The following ZFAT variants were observed in gnomAD, a reference collection of about 807,000 sequenced individuals.
ZFAT encodes the protein zinc finger protein ZFAT.
Under a neutral mutation model 117.7 loss-of-function variants are expected in ZFAT, and 64 were observed. The observed-to-expected ratio is 0.54, with a 90% CI of 0.44 to 0.67. The LOEUF is 0.67. Ranked by LOEUF, ZFAT falls within the 30% of genes least tolerant of loss-of-function variation. The pLI is 0.00. For synonymous variants in ZFAT, 679 were observed against 615.0 expected, an observed-to-expected ratio of 1.10 and a Z score of -1.54; for missense variants, 1,433 against 1,584.5, an observed-to-expected ratio of 0.90 and a Z score of 1.62.
chr8:134,628,911 A>C (rs1005998388), intron 3 of ZFAT, among the ~76,000 whole-genome samples: 1 of 152,256 alleles, frequency 6.6e-6, no homozygotes, highest in Admixed American at 6.5e-5. Flanking sequence ...ACAGATGCTT[A>C]TTGAATTTTA....
At chr8:134,507,396 C>G (rs1472769725) in intron 15 of ZFAT, among the ~76,000 whole-genome samples, 4 of 152,282 alleles carry the variant, frequency 2.6e-5, no homozygotes, top group African/African-American at 9.6e-5. Context: ...TGTCATTTAT[C>G]AACAGCCACC....
rs143658066 is a variant in ZFAT at position 134,647,745 on chromosome 8, C to T, written c.196+9816G>A. ...ACACAAAAACAACTGAAAAAGAAAA[C>T]GATCCCATTTATAATAGCGTCGAAA... On this transcript the variant is annotated intron_variant, in intron 2 of 15. Coordinates refer to ENST00000377838, the MANE Select transcript of ZFAT (RefSeq NM_020863.4). Among the ~76,000 whole-genome samples the T allele has an allele frequency of 1.8e-3, 269 of 151,984 alleles. 1 individual carries two copies. The highest frequency in any genetic ancestry group is 6.0e-3 in the African/African-American group (248 of 41,452).
At chr8:134,669,926 C>A (rs201869679) in intron 1 of ZFAT, among the ~76,000 whole-genome samples, 7 of 151,774 alleles carry the variant, frequency 4.6e-5, no homozygotes, top group Admixed American at 4.6e-4. Context: ...AGCAAATGGA[C>A]AACAAAAAAG....
At chr8:134,680,245 G>A (rs1473696083) in intron 1 of ZFAT, among the ~76,000 whole-genome samples, 6 of 136,372 alleles carry the variant, frequency 4.4e-5, no homozygotes, top group Non-Finnish European at 6.1e-5. Flanking sequence ...CTGGGTGACA[G>A]AGCCAGACTC....
chr8:134,533,494 T>C (rs1821589336), intron 11 of ZFAT, among the ~76,000 whole-genome samples: 1 of 152,216 alleles, frequency 6.6e-6, no homozygotes, highest in African/African-American at 2.4e-5. Context: ...GTACATTCTA[T>C]GATGTTCTAC....
the ZFAT span, among the ~76,000 whole-genome samples, chr8:134,725,097 C>A: frequency 7.2e-5 from 11 of 152,178 alleles, no homozygotes; most frequent in African/African-American, 2.7e-4. Context: ...GTAACCTCCA[C>A]AGAGAAGGCT....
In ZFAT at chr8:134,597,008, T is replaced by A. The variant is rs373698508; in HGVS notation, c.2475+3428A>T. Among the ~76,000 whole-genome samples the A allele has an allele frequency of 3.7e-3, 557 of 150,596 alleles. 2 individuals carry two copies. The highest frequency in any genetic ancestry group is 6.3e-3 in the Non-Finnish European group (426 of 67,488). On this transcript the variant is annotated intron_variant, in intron 7 of 15. Transcript: ENST00000377838. ...TGGATATACTAAAAAAAAAAAAAAA[T>A]TTGATTTCACACTTTAATGAGCAAA... is the stretch of plus-strand genomic sequence containing the variant.
chr8:134,753,029 T>C, the ZFAT span, among the ~76,000 whole-genome samples: 3 of 152,182 alleles, frequency 2.0e-5, no homozygotes, highest in South Asian at 4.1e-4. Context: ...GTAGAGCACC[T>C]ATGGTATCAG....
chr8:134,638,429 G>A (rs1307459693), intron 2 of ZFAT, among the ~76,000 whole-genome samples: 1 of 152,054 alleles, frequency 6.6e-6, no homozygotes, highest in South Asian at 2.1e-4. Context: ...GCGGGGGCCA[G>A]GCGCGGTGGC....
the ZFAT span, among the ~76,000 whole-genome samples, chr8:134,806,680 A>C: frequency 2.0e-5 from 3 of 152,220 alleles, no homozygotes; most frequent in Non-Finnish European, 4.4e-5. Context: ...CACTGTATTT[A>C]ACTCACACAA....
At chr8:134,535,271 A>C (rs1373223018) in intron 11 of ZFAT, among the ~76,000 whole-genome samples, 2 of 152,204 alleles carry the variant, frequency 1.3e-5, no homozygotes, top group African/African-American at 4.8e-5. Flanking sequence ...TGAACCATAC[A>C]CAGGAATTTT....
chr8:134,770,735 T>C, the ZFAT span, among the ~76,000 whole-genome samples: 1 of 152,302 alleles, frequency 6.6e-6, no homozygotes, highest in Admixed American at 6.5e-5. Context: ...GGCAGAAGTA[T>C]CACTGAATTC....
intron 11 of ZFAT, among the ~76,000 whole-genome samples, chr8:134,542,945 GC>G (rs1197172155): frequency 6.6e-6 from 1 of 151,922 alleles, no homozygotes; most frequent in Non-Finnish European, 1.5e-5. Flanking sequence ...TGCAGTTACT[GC>G]ACAGAAGAAG....
chr8:134,634,561 A>G (rs1271962793), intron 3 of ZFAT, among the ~76,000 whole-genome samples: 1 of 151,966 alleles, frequency 6.6e-6, no homozygotes, highest in African/African-American at 2.4e-5. Context: ...AAATCATAAC[A>G]CAAGTCTACA....
intron 11 of ZFAT, among the ~76,000 whole-genome samples, chr8:134,563,995 T>C (rs1824239465): frequency 6.6e-6 from 1 of 151,880 alleles, no homozygotes; most frequent in Non-Finnish European, 1.5e-5. Flanking sequence ...AATACAAAAA[T>C]TAGCTGAGCG....
intron 15 of ZFAT, among the ~76,000 whole-genome samples, chr8:134,503,855 C>CA (rs1156489849): frequency 3.9e-5 from 6 of 152,066 alleles, no homozygotes; most frequent in Admixed American, 1.3e-4. Context: ...TTGCTGACAG[C>CA]AGACATTGGG....
chr8:134,651,216 T>A (rs537197972), intron 2 of ZFAT, among the ~76,000 whole-genome samples: 30 of 152,348 alleles, frequency 2.0e-4, no homozygotes, highest in African/African-American at 6.7e-4. Flanking sequence ...AATATTCATG[T>A]GAAAACTTGT....
chr8:134,604,247 C>T (rs1287664629), intron 5 of ZFAT, among the ~76,000 whole-genome samples: 3 of 152,156 alleles, frequency 2.0e-5, no homozygotes, highest in Non-Finnish European at 2.9e-5. Context: ...AGTATTTGCC[C>T]CATGTTGTAC....
intron 2 of ZFAT, among the ~76,000 whole-genome samples, chr8:134,653,553 T>A (rs1052703045): frequency 3.4e-5 from 5 of 146,340 alleles, no homozygotes; most frequent in African/African-American, 1.3e-4. Flanking sequence ...GCATAAGCCA[T>A]CACACACAGC....
Sources: allele counts gnomAD v4.1 joint callset (sites outside exome capture counted in the v4.1 genomes callset), GRCh38; gene constraint gnomAD v4.1.1; transcripts MANE v1.5; gene names NCBI Gene and HGNC (gene_info 2026-07-23, HGNC 2026-07-21).